TMEM9: variants seen among roughly 807,000 people sequenced by gnomAD.
TMEM9 encodes transmembrane protein 9.
TMEM9 carries 13 observed loss-of-function variants against 22.8 expected under a neutral mutation model. The observed-to-expected ratio is 0.57, with a 90% CI of 0.37 to 0.91. The LOEUF is 0.91. TMEM9 is among the 40% of genes least tolerant of loss of function. The pLI is 0.01. For missense variants in TMEM9, 182 were observed against 238.1 expected (o/e 0.76, Z 1.55); for synonymous variants, 88 against 93.0 (o/e 0.95, Z 0.31).
intron 1 of TMEM9, among the ~76,000 whole-genome samples, chr1:201,165,585 C>A (rs1281369471): frequency 6.6e-6 from 1 of 151,794 alleles, no homozygotes; most frequent in Non-Finnish European, 1.5e-5. Flanking sequence ...TACAGGTGTG[C>A]GCCACCACGC....
At position 201,137,312 on chromosome 1, in the gene TMEM9, G is replaced by A. The variant is rs76712650; in HGVS notation, c.400-1497C>T. 2.6e-5 allele frequency among the ~76,000 whole-genome samples: 4 copies of A among 152,326 alleles called. No homozygotes were observed. In the South Asian group the frequency reaches 6.2e-4, roughly 24 times the overall value. On this transcript the variant is annotated intron_variant, in intron 4 of 4. Coordinates refer to ENST00000367330, the MANE Select transcript of TMEM9 (RefSeq NM_001288565.2). ...CCAGGTGGAACTACAGATCCACAGCGGGGGCTGGGAAGGAGACATGGCCTC... is the reference window on the plus strand; with the variant it reads ...CCAGGTGGAACTACAGATCCACAGCAGGGGCTGGGAAGGAGACATGGCCTC...
intron 2 of TMEM9, among the ~76,000 whole-genome samples, chr1:201,150,480 A>G (rs1326517940): frequency 6.6e-6 from 1 of 152,228 alleles, no homozygotes; most frequent in Non-Finnish European, 1.5e-5. Context: ...AAACACGTAC[A>G]TACTTAACAC....
intron 1 of TMEM9, among the ~76,000 whole-genome samples, chr1:201,152,495 T>C (rs538228578): frequency 1.6e-4 from 24 of 152,128 alleles, no homozygotes; most frequent in South Asian, 1.5e-3. Context: ...TTTAGTTCCA[T>C]AGATCTACCC....
At chr1:201,147,877 G>A in intron 2 of TMEM9, among the ~76,000 whole-genome samples, 1 of 152,156 alleles carries the variant, frequency 6.6e-6, no homozygotes, top group East Asian at 1.9e-4. Context: ...GGAGGGCATG[G>A]CTTTGCCACC....
chr1:201,165,433 C>T (rs1666049615), intron 1 of TMEM9, among the ~76,000 whole-genome samples: 1 of 133,090 alleles, frequency 7.5e-6, no homozygotes, highest in Non-Finnish European at 1.7e-5. Context: ...TTTTAATTTT[C>T]TTTTTCTTTC....
upstream of TMEM9, among the ~76,000 whole-genome samples, chr1:201,159,145 C>T (rs1481801273): frequency 6.6e-6 from 1 of 152,216 alleles, no homozygotes; most frequent in East Asian, 1.9e-4. Context: ...GAGAACAAAG[C>T]TCAAGTGATA....
chr1:201,164,437 A>G (rs1269568397), intron 1 of TMEM9, among the ~76,000 whole-genome samples: 3 of 152,222 alleles, frequency 2.0e-5, no homozygotes, highest in Admixed American at 2.0e-4. Context: ...TTAAAAGCCT[A>G]CCTGAATTAG....
chr1:201,164,132 A>G (rs933798254), intron 1 of TMEM9, among the ~76,000 whole-genome samples: 1 of 152,224 alleles, frequency 6.6e-6, no homozygotes, highest in East Asian at 1.9e-4. Context: ...AAAAATACCA[A>G]TCCCAAAAGT....
intron 1 of TMEM9, among the ~76,000 whole-genome samples, chr1:201,170,813 C>CA (rs1666192811): frequency 6.6e-6 from 1 of 152,230 alleles, no homozygotes; most frequent in Non-Finnish European, 1.5e-5. Flanking sequence ...GCCCTAGCCC[C>CA]ACCCCCTAGT....
chr1:201,162,336 T>C (rs1665966954), intron 1 of TMEM9, among the ~76,000 whole-genome samples: 1 of 152,042 alleles, frequency 6.6e-6, no homozygotes, highest in African/African-American at 2.4e-5. Context: ...AGAGTCTTGC[T>C]ATATTGCCCA....
chr1:201,167,482 A>G (rs1666107280), intron 1 of TMEM9, among the ~76,000 whole-genome samples: 1 of 152,182 alleles, frequency 6.6e-6, no homozygotes, highest in African/African-American at 2.4e-5. Context: ...AAAAAACCTG[A>G]AAAAGCTGTT....
chr1:201,158,984 C>T (rs1339555579), upstream of TMEM9, among the ~76,000 whole-genome samples: 1 of 152,138 alleles, frequency 6.6e-6, no homozygotes, highest in Non-Finnish European at 1.5e-5. Flanking sequence ...TCCCTGGCAT[C>T]AACTATATGC....
intron 1 of TMEM9, among the ~76,000 whole-genome samples, chr1:201,168,547 C>T (rs1370359019): frequency 2.6e-5 from 4 of 152,178 alleles, no homozygotes; most frequent in Non-Finnish European, 4.4e-5. Flanking sequence ...GGTGAAACCC[C>T]GTTTCTACTA....
At chr1:201,163,546 C>A (rs1025717510) in intron 1 of TMEM9, among the ~76,000 whole-genome samples, 1 of 151,790 alleles carries the variant, frequency 6.6e-6, no homozygotes, top group Admixed American at 6.6e-5. Flanking sequence ...GCCAAGATCA[C>A]GCCACTGCAC....
intron 1 of TMEM9, among the ~76,000 whole-genome samples, chr1:201,169,949 A>G (rs1178811624): frequency 6.6e-6 from 1 of 152,206 alleles, no homozygotes; most frequent in East Asian, 1.9e-4. Flanking sequence ...GTGGTGTTAC[A>G]TATTCCCAAT....
intron 4 of TMEM9, among the ~76,000 whole-genome samples, chr1:201,140,445 G>A (rs1296931726): frequency 7.2e-5 from 11 of 152,240 alleles, no homozygotes; most frequent in Non-Finnish European, 1.6e-4. Context: ...GAATCCCAGG[G>A]GAGGCAGCGC....
Position 201,168,926 on chromosome 1 carries a change from G to A in TMEM9, c.-37+2564C>T, listed in dbSNP as rs1460188341. ...CCCACCTTAGTCTCCCAAGTAGCTGGGACTCCAAGCTTGTGCCATAATGCC... is the reference window on the plus strand; with the variant it reads ...CCCACCTTAGTCTCCCAAGTAGCTGAGACTCCAAGCTTGTGCCATAATGCC... On this transcript the variant is annotated intron_variant, in intron 1 of 5. Transcript: ENST00000367333. Among the ~76,000 whole-genome samples, 5 of 151,494 alleles carry A rather than the reference G, an allele frequency of 3.3e-5. No homozygotes were observed. The South Asian group carries it at 8.4e-4, about 25-fold the overall frequency.
At position 201,153,932 on chromosome 1, in the gene TMEM9, G is replaced by A; in HGVS notation, c.-9C>T. ...AAAGATAAGAGCTTCATGCTTATCA[G>A]GCTTGCTGGGCCAGCAAAGCCGGAC... On this transcript the variant is annotated 5_prime_UTR_variant, in exon 1 of 5. Transcript: ENST00000367330. 1.2e-6 allele frequency: 2 copies of A among 1,603,462 alleles called. No individual in the cohort carries two copies. Among genetic ancestry groups the A allele is most frequent in the Non-Finnish European group, 1.7e-6 (2 of 1,174,264 alleles).
At chr1:201,169,361 C>T (rs1382007046) in intron 1 of TMEM9, among the ~76,000 whole-genome samples, 1 of 150,866 alleles carries the variant, frequency 6.6e-6, no homozygotes, top group Non-Finnish European at 1.5e-5. Context: ...ATTAGAGGAA[C>T]TTAAGACCTA....
Sources: gnomAD v4.1 joint callset for allele counts (sites outside exome capture counted in the v4.1 genomes callset) on GRCh38, gnomAD v4.1.1 for gene constraint, MANE v1.5 for transcripts, NCBI Gene and HGNC (gene_info 2026-07-23, HGNC 2026-07-21) for gene names.